The following ZNF722 variants were observed in gnomAD, a reference collection of about 807,000 sequenced individuals.
ZNF722 encodes the protein zinc finger protein 479 pseudogene.
chr7:64,015,045 A>G, the ZNF722 span: 1 of 1,341,794 alleles, frequency 7.5e-7, no homozygotes, highest in South Asian at 1.2e-5. Flanking sequence ...TTCTCATTTC[A>G]CCCAAGACCT....
At chr7:64,016,076 TA>T in the ZNF722 span, 11 of 583,472 alleles carry the variant, frequency 1.9e-5, no homozygotes, top group Admixed American at 6.7e-5. Context: ...TTTATAAATG[TA>T]AAAAAATGTA....
the ZNF722 span, chr7:64,006,379 G>A: frequency 4.6e-6 from 5 of 1,096,642 alleles, no homozygotes; most frequent in African/African-American, 8.3e-5. Flanking sequence ...CAACAAGGCA[G>A]CCAGTCCTTG....
the ZNF722 span, among the ~76,000 whole-genome samples, chr7:64,017,384 AAAAAAAC>A: frequency 6.6e-6 from 1 of 152,166 alleles, no homozygotes; most frequent in Non-Finnish European, 1.5e-5. Flanking sequence ...ACTCCATCTC[AAAAAAAC>A]AAAAAAGGCA....
At chr7:64,008,371 T>C in the ZNF722 span, among the ~76,000 whole-genome samples, 1 of 152,158 alleles carries the variant, frequency 6.6e-6, no homozygotes, top group Non-Finnish European at 1.5e-5. Context: ...GTTTTTATGG[T>C]TTTAGATCTA....
the ZNF722 span, among the ~76,000 whole-genome samples, chr7:63,999,926 CCTGAAGTGA>C: frequency 1.3e-5 from 2 of 152,010 alleles, no homozygotes; most frequent in Non-Finnish European, 2.9e-5. Flanking sequence ...GAACCCCTGA[CCTGAAGTGA>C]TCCGCCCATC....
At chr7:64,000,115 C>T in the ZNF722 span, among the ~76,000 whole-genome samples, 1 of 89,412 alleles carries the variant, frequency 1.1e-5, no homozygotes, top group African/African-American at 3.8e-5. Context: ...CTGCTTTTCC[C>T]TTACTTTTTT....
At chr7:64,006,282 G>C in the ZNF722 span, 1 of 1,312,940 alleles carries the variant, frequency 7.6e-7, no homozygotes, top group South Asian at 1.3e-5. Flanking sequence ...AAGAGGCTTG[G>C]AATATAAAGA....
the ZNF722 span, among the ~76,000 whole-genome samples, chr7:64,011,626 T>G: frequency 4.6e-5 from 7 of 152,300 alleles, no homozygotes; most frequent in Non-Finnish European, 8.8e-5. Context: ...CTGCTGTTAG[T>G]CTGATGGGTT....
the ZNF722 span, among the ~76,000 whole-genome samples, chr7:64,005,144 C>CA: frequency 1.3e-5 from 2 of 151,964 alleles, no homozygotes; most frequent in Non-Finnish European, 2.9e-5. Context: ...ACTAAAAATA[C>CA]AAAAATCAGC....
chr7:64,009,391 G>C, the ZNF722 span, among the ~76,000 whole-genome samples: 1 of 152,148 alleles, frequency 6.6e-6, no homozygotes, highest in Non-Finnish European at 1.5e-5. Flanking sequence ...GTCATAAATA[G>C]CTCTTATTAT....
chr7:64,002,919 C>CTT, the ZNF722 span, among the ~76,000 whole-genome samples: 69 of 152,304 alleles, frequency 4.5e-4, no homozygotes, highest in African/African-American at 1.5e-3. Flanking sequence ...GTAAGGGACT[C>CTT]TGCTGTGCCT....
At chr7:64,015,231 A>G in the ZNF722 span, 248 of 1,233,602 alleles carry the variant, frequency 2.0e-4, 2 homozygotes, top group East Asian at 5.2e-3. Flanking sequence ...CCAAAACAAA[A>G]TATTTCAGAC....
the ZNF722 span, among the ~76,000 whole-genome samples, chr7:64,011,087 AT>A: frequency 6.7e-6 from 1 of 148,848 alleles, no homozygotes; most frequent in African/African-American, 2.5e-5. Flanking sequence ...TTTGCTTTCC[AT>A]TTTTTTGGTG....
chr7:64,014,401 G>T, the ZNF722 span, among the ~76,000 whole-genome samples: 2 of 151,704 alleles, frequency 1.3e-5, no homozygotes, highest in African/African-American at 4.8e-5. Flanking sequence ...CAAATATTTT[G>T]TATACATTAT....
At chr7:64,010,917 T>G in the ZNF722 span, among the ~76,000 whole-genome samples, 114 of 152,310 alleles carry the variant, frequency 7.5e-4, no homozygotes, top group African/African-American at 2.6e-3. Flanking sequence ...TTTATGAATC[T>G]GGGTGCTCCT....
chr7:64,008,844 A>G, the ZNF722 span, among the ~76,000 whole-genome samples: 1 of 152,108 alleles, frequency 6.6e-6, no homozygotes, highest in Non-Finnish European at 1.5e-5. Context: ...CAGTATGGCC[A>G]TTTTCACAAT....
At chr7:64,017,440 T>C in the ZNF722 span, among the ~76,000 whole-genome samples, 1 of 152,120 alleles carries the variant, frequency 6.6e-6, no homozygotes, top group African/African-American at 2.4e-5. Flanking sequence ...TTTTGGAAAA[T>C]ATAGGCCTTT....
chr7:64,001,610 T>C, the ZNF722 span, among the ~76,000 whole-genome samples: 3 of 152,180 alleles, frequency 2.0e-5, no homozygotes, highest in African/African-American at 7.2e-5. Context: ...ATATTCCCAA[T>C]TGTGGGATTC....
the ZNF722 span, among the ~76,000 whole-genome samples, chr7:64,012,709 C>T: frequency 2.6e-5 from 4 of 152,124 alleles, no homozygotes; most frequent in African/African-American, 4.8e-5. Context: ...CTGGAGAGTT[C>T]TGTACATGTC....
Sources: allele counts gnomAD v4.1 joint callset (sites outside exome capture counted in the v4.1 genomes callset), GRCh38; gene constraint gnomAD v4.1.1; transcripts MANE v1.5; gene names NCBI Gene and HGNC (gene_info 2026-07-23, HGNC 2026-07-21).